LGSN: variants seen among roughly 807,000 people sequenced by gnomAD.
LGSN encodes lengsin.
A neutral mutation model predicts 19.5 loss-of-function variants in LGSN; 21 were observed. The ratio of observed to expected loss-of-function variants is 1.07; its 90% CI spans 0.76 to 1.55. LGSN has a LOEUF of 1.55. Ranked by LOEUF, LGSN falls within the 40% of genes most tolerant of loss-of-function variation. The pLI, the probability that LGSN is intolerant of heterozygous loss-of-function variation, is 0.00. For missense variants in LGSN, 673 were observed against 608.5 expected, an observed-to-expected ratio of 1.11 and a Z score of -1.12; for synonymous variants, 257 against 215.6, an observed-to-expected ratio of 1.19 and a Z score of -1.68.
the LGSN span, among the ~76,000 whole-genome samples, chr6:63,428,707 T>C: frequency 6.6e-6 from 1 of 152,334 alleles, no homozygotes; most frequent in African/African-American, 2.4e-5. Context: ...CAACAACTTC[T>C]AGATAGACAA....
chr6:63,518,135 C>T, the LGSN span, among the ~76,000 whole-genome samples: 4 of 140,902 alleles, frequency 2.8e-5, no homozygotes, highest in African/African-American at 1.1e-4. Context: ...GCCTGGGCAA[C>T]ACAGTGAGAC....
the LGSN span, among the ~76,000 whole-genome samples, chr6:63,376,411 A>G: frequency 4.6e-5 from 7 of 152,334 alleles, no homozygotes; most frequent in African/African-American, 1.4e-4. Flanking sequence ...AATACTTTCT[A>G]TTTATTCAGA....
the LGSN span, among the ~76,000 whole-genome samples, chr6:63,523,814 GA>G: frequency 6.6e-6 from 1 of 152,078 alleles, no homozygotes; most frequent in Admixed American, 6.6e-5. Flanking sequence ...GTGGGGCCCG[GA>G]GAAGCCAAAA....
At chr6:63,326,280 C>A in the LGSN span, among the ~76,000 whole-genome samples, 1 of 152,174 alleles carries the variant, frequency 6.6e-6, no homozygotes, top group Non-Finnish European at 1.5e-5. Context: ...GGTGTGTTTA[C>A]AAACCTTGAG....
At chr6:63,374,446 AATTCTAAGATGTCATTG>A in the LGSN span, among the ~76,000 whole-genome samples, 1 of 152,232 alleles carries the variant, frequency 6.6e-6, no homozygotes, top group Non-Finnish European at 1.5e-5. Context: ...GACCAGCAGC[AATTCTAAGATGTCATTG>A]ATTCTAAGAT....
the LGSN span, among the ~76,000 whole-genome samples, chr6:63,362,189 G>A: frequency 4.6e-5 from 7 of 152,082 alleles, no homozygotes; most frequent in African/African-American, 1.4e-4. Context: ...ATAAGTAGAA[G>A]GAGTATACTC....
chr6:63,354,857 T>C, the LGSN span, among the ~76,000 whole-genome samples: 1 of 152,270 alleles, frequency 6.6e-6, no homozygotes, highest in East Asian at 1.9e-4. Flanking sequence ...GAGATCATTA[T>C]GTTAAGTGAA....
the LGSN span, among the ~76,000 whole-genome samples, chr6:63,334,037 A>G: frequency 1.3e-5 from 2 of 152,342 alleles, no homozygotes; most frequent in East Asian, 3.9e-4. Context: ...GAAAAAGTTG[A>G]ATGCCTTTTC....
the LGSN span, among the ~76,000 whole-genome samples, chr6:63,537,110 G>A: frequency 4.6e-5 from 7 of 152,046 alleles, no homozygotes; most frequent in Non-Finnish European, 7.4e-5. Flanking sequence ...GGCTTCCATG[G>A]ATTCATGATG....
At chr6:63,541,273 A>G in the LGSN span, among the ~76,000 whole-genome samples, 1 of 152,086 alleles carries the variant, frequency 6.6e-6, no homozygotes. Flanking sequence ...TCTTAGCTAG[A>G]TTCCCATTCT....
chr6:63,354,002 G>A, the LGSN span, among the ~76,000 whole-genome samples: 17 of 152,058 alleles, frequency 1.1e-4, no homozygotes, highest in Middle Eastern at 3.4e-3. Context: ...AACTCAAAAC[G>A]GATTAGACTT....
At position 63,277,982 on chromosome 6, in the gene LGSN, G is replaced by A. The variant is rs964163067; in HGVS notation, c.*2039C>T. On this transcript the variant is annotated 3_prime_UTR_variant, in exon 4 of 4. Coordinates refer to ENST00000370657, the MANE Select transcript of LGSN (RefSeq NM_016571.3). Reference sequence around the variant, plus strand: ...CCAGCTACTTGGGAGGCTGAGGCAGGAGAATTACTTGAACCCAGGGGGCAG... The same window carrying A: ...CCAGCTACTTGGGAGGCTGAGGCAGAAGAATTACTTGAACCCAGGGGGCAG... 6.6e-5 allele frequency: 10 copies of A among 151,990 alleles called. No homozygotes were observed. The highest frequency in any genetic ancestry group is 2.1e-4 in the South Asian group (1 of 4,818). The allele number at this position is 151,990 out of a possible 1,614,324, so 9.4% of individuals were successfully genotyped here. A position where few individuals can be genotyped will look rare whatever the true frequency, so the allele number is the denominator to read the frequency against.
chr6:63,283,133 AT>A (rs1767383482), intron 3 of LGSN, among the ~76,000 whole-genome samples: 2 of 152,010 alleles, frequency 1.3e-5, no homozygotes, highest in African/African-American at 4.8e-5. Context: ...TTTAATTCAT[AT>A]TTTTTTGAAC....
the LGSN span, among the ~76,000 whole-genome samples, chr6:63,486,382 C>T: frequency 0.015 from 2,295 of 152,212 alleles, 32 homozygotes; most frequent in Non-Finnish European, 0.021. Context: ...AGCAGTCACA[C>T]GACAGCTGCT....
chr6:63,306,815 G>T (rs1008228377), intron 1 of LGSN, among the ~76,000 whole-genome samples: 1 of 152,144 alleles, frequency 6.6e-6, no homozygotes, highest in Non-Finnish European at 1.5e-5. Context: ...ATTAAAACGT[G>T]GCCCTCGTGT....
the LGSN span, among the ~76,000 whole-genome samples, chr6:63,408,126 T>C: frequency 2.0e-5 from 3 of 152,208 alleles, no homozygotes; most frequent in Non-Finnish European, 4.4e-5. Flanking sequence ...ATAGATTCAA[T>C]GCCATCCTCA....
the LGSN span, among the ~76,000 whole-genome samples, chr6:63,432,141 G>GAAAGAAAGAAAGAA: frequency 9.3e-6 from 1 of 107,394 alleles, no homozygotes. Context: ...AAGAAAGAAA[G>GAAAGAAAGAAAGAA]AAAGAAAGAA....
chr6:63,405,128 C>T, the LGSN span, among the ~76,000 whole-genome samples: 4 of 151,926 alleles, frequency 2.6e-5, no homozygotes, highest in Non-Finnish European at 4.4e-5. Context: ...CTACAAAGGA[C>T]ATGAACTCAT....
the LGSN span, among the ~76,000 whole-genome samples, chr6:63,514,840 C>T: frequency 1.1e-3 from 160 of 152,006 alleles, 2 homozygotes; most frequent in East Asian, 5.8e-4. Context: ...AGCTGGGACC[C>T]CAGGCACCAG....
Sources: allele counts gnomAD v4.1 joint callset (sites outside exome capture counted in the v4.1 genomes callset), GRCh38; gene constraint gnomAD v4.1.1; transcripts MANE v1.5; gene names NCBI Gene and HGNC (gene_info 2026-07-23, HGNC 2026-07-21).